The following PRKG1 variants were observed in gnomAD, a reference collection of about 807,000 sequenced individuals.
PRKG1 encodes the protein cGMP-dependent protein kinase 1.
PRKG1 carries 35 observed loss-of-function variants against 88.1 expected under a neutral mutation model. The observed-to-expected ratio is 0.40, with a 90% CI of 0.30 to 0.53. The LOEUF (loss-of-function observed/expected upper bound fraction) is 0.53, where lower values mean the gene tolerates loss of function less well. Ranked by LOEUF, PRKG1 falls within the 20% of genes least tolerant of loss-of-function variation. The pLI is 0.59. For missense variants in PRKG1, 540 were observed against 839.8 expected (o/e 0.64, Z 4.41); for synonymous variants, 303 against 292.5 (o/e 1.04, Z -0.37).
At chr10:51,285,503 C>T (rs905380783) in intron 2 of PRKG1, among the ~76,000 whole-genome samples, 3 of 152,090 alleles carry the variant, frequency 2.0e-5, no homozygotes, top group African/African-American at 7.2e-5. Context: ...AAGAAGATAT[C>T]GCCCACAGGC....
intron 5 of PRKG1, among the ~76,000 whole-genome samples, chr10:51,980,838 A>G (rs1215314305): frequency 6.6e-6 from 1 of 151,862 alleles, no homozygotes; most frequent in Non-Finnish European, 1.5e-5. Flanking sequence ...TGCTTGCTAG[A>G]TTTTTCTCCA....
rs184713558 is a variant in PRKG1, at chr10:51,958,372, C to T, written c.762+50802C>T. On this transcript the variant is annotated intron_variant, in intron 5 of 17. Transcript: ENST00000373980. ...AAAAAGAAAATCCAGGATAGATGAA[C>T]GAAGTTGATATGTTAGTGTGTGTAG... Among the ~76,000 whole-genome samples, 35 of 152,074 alleles carry T rather than the reference C, an allele frequency of 2.3e-4. No homozygotes were observed. The East Asian group carries it at 5.4e-3, about 24-fold the overall frequency.
intron 3 of PRKG1, among the ~76,000 whole-genome samples, chr10:51,782,026 A>T (rs984398455): frequency 6.6e-6 from 1 of 152,056 alleles, no homozygotes; most frequent in Non-Finnish European, 1.5e-5. Context: ...TTCTATATGC[A>T]AGTCTTAAGT....
intron 8 of PRKG1, among the ~76,000 whole-genome samples, chr10:52,151,450 G>T (rs1334573563): frequency 2.0e-5 from 3 of 152,110 alleles, no homozygotes; most frequent in Non-Finnish European, 4.4e-5. Context: ...TTGATAGTTT[G>T]TTTCCATTGG....
intron 1 of PRKG1, among the ~76,000 whole-genome samples, chr10:51,015,064 A>C (rs1843040488): frequency 6.6e-6 from 1 of 152,252 alleles, no homozygotes; most frequent in South Asian, 2.1e-4. Flanking sequence ...ATTACTAAGA[A>C]ATTCAGCAAA....
At chr10:51,126,263 T>A (rs867245715) in intron 1 of PRKG1, among the ~76,000 whole-genome samples, 136 of 9,818 alleles carry the variant, frequency 0.014, no homozygotes, top group African/African-American at 0.026. Context: ...ATTTATATAT[T>A]TATTTATAAT....
chr10:51,353,281 CA>C (rs1224612612), intron 2 of PRKG1, among the ~76,000 whole-genome samples: 1 of 151,802 alleles, frequency 6.6e-6, no homozygotes. Context: ...GCAACCAAAG[CA>C]AAAAATGAAT....
At chr10:51,692,826 G>A (rs894786080) in intron 3 of PRKG1, among the ~76,000 whole-genome samples, 1 of 152,104 alleles carries the variant, frequency 6.6e-6, no homozygotes, top group African/African-American at 2.4e-5. Flanking sequence ...CATTTCAAAT[G>A]TCTGCAGATA....
intron 2 of PRKG1, among the ~76,000 whole-genome samples, chr10:51,170,927 G>A (rs1328525459): frequency 6.6e-6 from 1 of 152,126 alleles, no homozygotes; most frequent in Non-Finnish European, 1.5e-5. Flanking sequence ...TGGCTAATAA[G>A]GGACTTTCTT....
intron 3 of PRKG1, among the ~76,000 whole-genome samples, chr10:51,559,583 A>T (rs537577999): frequency 3.0e-4 from 45 of 152,266 alleles, no homozygotes; most frequent in African/African-American, 1.1e-3. Flanking sequence ...CATCATAAAA[A>T]TAAAAATGTT....
chr10:52,216,009 A>G (rs1406476), intron 9 of PRKG1, among the ~76,000 whole-genome samples: 113,466 of 152,006 alleles, frequency 0.75, 42,504 homozygotes, highest in East Asian at 0.94. Context: ...GGCTAAGGAG[A>G]CAATGGCAAA....
intron 1 of PRKG1, among the ~76,000 whole-genome samples, chr10:51,123,460 T>G (rs996978197): frequency 6.6e-6 from 1 of 151,934 alleles, no homozygotes; most frequent in Non-Finnish European, 1.5e-5. Context: ...CCGAGGCAAA[T>G]AGATCACCTG....
chr10:51,565,665 TAGCAGGTTCCAAAATTACCCTTGA>T (rs1837582743), intron 3 of PRKG1, among the ~76,000 whole-genome samples: 1 of 152,136 alleles, frequency 6.6e-6, no homozygotes, highest in Non-Finnish European at 1.5e-5. Flanking sequence ...CCATTTTATC[TAGCAGGTTCCAAAATTACCCTTGA>T]AACTTAAAAC....
Position 51,988,171 on chromosome 10 carries a change from T to C in PRKG1, c.763-66313T>C, listed in dbSNP as rs558973199. ...GTTATGGGGAATATCATTAAAACAA[T>C]GCATAATATTGTTTGGTATGTACTA... On this transcript the variant is annotated intron_variant, in intron 5 of 17. Transcript: ENST00000373980. Among the ~76,000 whole-genome samples the C allele has an allele frequency of 1.6e-4, 25 of 152,182 alleles. No homozygotes were observed. The South Asian group carries it at 5.2e-3, about 32-fold the overall frequency.
chr10:51,608,296 A>G (rs1838818008), intron 3 of PRKG1, among the ~76,000 whole-genome samples: 1 of 152,216 alleles, frequency 6.6e-6, no homozygotes, highest in Non-Finnish European at 1.5e-5. Context: ...AGGAGACGGA[A>G]GGAAACCACA....
intron 7 of PRKG1, among the ~76,000 whole-genome samples, chr10:52,066,537 G>C (rs7899949): frequency 0.17 from 26,262 of 152,050 alleles, 2,853 homozygotes; most frequent in South Asian, 0.28. Flanking sequence ...ATCACATTCA[G>C]GACTTGAATT....
At chr10:51,513,799 G>A (rs1295135258) in intron 3 of PRKG1, among the ~76,000 whole-genome samples, 13 of 49,898 alleles carry the variant, frequency 2.6e-4, no homozygotes, top group African/African-American at 1.1e-3. Flanking sequence ...TGAAACCAAC[G>A]AGAACAAAGA....
chr10:51,271,018 G>A (rs999596612), intron 2 of PRKG1, among the ~76,000 whole-genome samples: 2 of 152,122 alleles, frequency 1.3e-5, no homozygotes, highest in African/African-American at 2.4e-5. Flanking sequence ...TAATTGTTTT[G>A]TCAGTGAGAA....
intron 3 of PRKG1, among the ~76,000 whole-genome samples, chr10:51,540,788 C>T (rs183830675): frequency 4.5e-4 from 68 of 152,198 alleles, no homozygotes; most frequent in African/African-American, 1.5e-3. Flanking sequence ...GGCATTATCT[C>T]GGCTCACTGC....
Sources: gnomAD v4.1 joint callset for allele counts (sites outside exome capture counted in the v4.1 genomes callset) on GRCh38, gnomAD v4.1.1 for gene constraint, MANE v1.5 for transcripts, NCBI Gene and HGNC (gene_info 2026-07-23, HGNC 2026-07-21) for gene names.